The following BCAS1 variants were observed in gnomAD, a reference collection of about 807,000 sequenced individuals.
The protein encoded by BCAS1 is brain enriched myelin associated protein 1.
Under a neutral mutation model 65.4 loss-of-function variants are expected in BCAS1, and 46 were observed. That is an observed-to-expected ratio of 0.70 (90% CI 0.55 to 0.90). BCAS1 has a LOEUF of 0.90. Among genes scored for constraint, BCAS1 ranks in the 40% least tolerant of loss-of-function variants. The pLI is 0.00. For missense variants in BCAS1, 793 were observed against 771.2 expected (o/e 1.03, Z -0.33); for synonymous variants, 298 against 293.5 (o/e 1.02, Z -0.16).
At chr20:53,993,027 C>T (rs2090804496) in intron 6 of BCAS1, among the ~76,000 whole-genome samples, 1 of 152,136 alleles carries the variant, frequency 6.6e-6, no homozygotes. Context: ...TACCTGCAGA[C>T]AAAATATTTC....
intron 4 of BCAS1, among the ~76,000 whole-genome samples, chr20:54,023,070 G>A (rs186324275): frequency 2.6e-5 from 4 of 152,302 alleles, no homozygotes; most frequent in Admixed American, 2.6e-4. Context: ...TGGACATAAG[G>A]CAGAAACAAC....
chr20:54,000,021 C>T (rs1368496624), intron 4 of BCAS1, among the ~76,000 whole-genome samples: 2 of 152,188 alleles, frequency 1.3e-5, no homozygotes, highest in Admixed American at 6.5e-5. Flanking sequence ...TGAGCCACTG[C>T]GCCTGAGCCA....
chr20:54,014,940 C>T (rs2145984144), intron 4 of BCAS1, among the ~76,000 whole-genome samples: 1 of 152,160 alleles, frequency 6.6e-6, no homozygotes, highest in South Asian at 2.1e-4. Context: ...AGAATTTGTC[C>T]CCCAATTTGC....
intron 4 of BCAS1, among the ~76,000 whole-genome samples, chr20:54,025,633 G>T (rs995162791): frequency 2.0e-5 from 3 of 152,096 alleles, no homozygotes; most frequent in Non-Finnish European, 2.9e-5. Flanking sequence ...CCAGCAGGGA[G>T]CAAGCCATAA....
intron 12 of BCAS1, among the ~76,000 whole-genome samples, chr20:53,948,280 A>C (rs2089397281): frequency 1.3e-5 from 2 of 152,212 alleles, no homozygotes; most frequent in South Asian, 4.1e-4. Context: ...ACTAAACAGC[A>C]AACTCAGATG....
intron 8 of BCAS1, among the ~76,000 whole-genome samples, chr20:53,982,509 T>C (rs916197732): frequency 6.6e-6 from 1 of 152,180 alleles, no homozygotes; most frequent in African/African-American, 2.4e-5. Context: ...TGTCTGTAAC[T>C]ACAGGCTTAT....
Position 53,975,371 on chromosome 20 carries a change from G to C in BCAS1, c.1317+18C>G, listed in dbSNP as rs77639544. The C allele has an allele frequency of 5.0e-6, 8 of 1,606,016 alleles. No homozygotes were observed. Among genetic ancestry groups the C allele is most frequent in the South Asian group, 1.1e-5 (1 of 90,884 alleles). ...AAGATGAGAATGGAATGATTCTGCC[G>C]TGGTGTGTGTAACTTACATTCTCCT... On this transcript the variant is annotated intron_variant, in intron 9 of 12. Coordinates refer to ENST00000688948, the MANE Select transcript of BCAS1 (RefSeq NM_001366298.2).
chr20:54,041,192 C>T (rs1450171009), intron 3 of BCAS1, among the ~76,000 whole-genome samples: 2 of 151,166 alleles, frequency 1.3e-5, no homozygotes, highest in African/African-American at 2.4e-5. Flanking sequence ...AAAAACTCAG[C>T]GCTAAAGGGT....
intron 8 of BCAS1, among the ~76,000 whole-genome samples, chr20:53,980,322 C>T (rs1413633961): frequency 6.6e-6 from 1 of 152,170 alleles, no homozygotes; most frequent in East Asian, 1.9e-4. Context: ...GGCCAGATTC[C>T]AGAGGGCTTC....
At chr20:53,986,280 C>T (rs185339455) in intron 7 of BCAS1, among the ~76,000 whole-genome samples, 13 of 152,234 alleles carry the variant, frequency 8.5e-5, no homozygotes, top group Non-Finnish European at 1.6e-4. Flanking sequence ...GTCTCTCTCT[C>T]TGAGCAGCTG....
chr20:54,051,411 G>A (rs1220108731), intron 3 of BCAS1, among the ~76,000 whole-genome samples: 1 of 152,182 alleles, frequency 6.6e-6, no homozygotes, highest in Non-Finnish European at 1.5e-5. Context: ...CATACCACAT[G>A]TATTGGGGGG....
intron 3 of BCAS1, among the ~76,000 whole-genome samples, chr20:54,036,299 A>C (rs968246869): frequency 6.6e-6 from 1 of 151,428 alleles, no homozygotes; most frequent in Non-Finnish European, 1.5e-5. Context: ...TAAAAAAGTC[A>C]AAGAATTTAA....
intron 4 of BCAS1, among the ~76,000 whole-genome samples, chr20:54,015,017 G>A (rs1171718104): frequency 6.6e-6 from 1 of 151,786 alleles, no homozygotes; most frequent in Non-Finnish European, 1.5e-5. Flanking sequence ...AAAATATTTT[G>A]CAGAATCTCA....
intron 8 of BCAS1, among the ~76,000 whole-genome samples, chr20:53,977,549 G>T (rs1006335971): frequency 3.9e-5 from 6 of 152,084 alleles, no homozygotes; most frequent in Non-Finnish European, 5.9e-5. Context: ...ATCTTTGATT[G>T]CCTGTGTCTA....
intron 8 of BCAS1, among the ~76,000 whole-genome samples, chr20:53,976,370 T>C (rs1020525636): frequency 1.3e-5 from 2 of 152,236 alleles, no homozygotes; most frequent in Non-Finnish European, 2.9e-5. Context: ...ATGTCTCTCC[T>C]CTTGGATTAC....
chr20:54,051,305 C>G (rs188316335), intron 3 of BCAS1, among the ~76,000 whole-genome samples: 1 of 152,322 alleles, frequency 6.6e-6, no homozygotes, highest in Admixed American at 6.5e-5. Flanking sequence ...GTGAACAAAA[C>G]AGGGGATCTC....
chr20:53,987,308 A>G (rs945000579), intron 7 of BCAS1, among the ~76,000 whole-genome samples: 9 of 152,250 alleles, frequency 5.9e-5, no homozygotes, highest in Non-Finnish European at 1.3e-4. Flanking sequence ...AGTATACAAA[A>G]TGGCAAAATG....
intron 3 of BCAS1, among the ~76,000 whole-genome samples, chr20:54,048,547 C>A (rs1308388329): frequency 1.3e-5 from 2 of 152,162 alleles, no homozygotes; most frequent in South Asian, 2.1e-4. Flanking sequence ...TCCTCTCCTG[C>A]TTTTGGATCC....
intron 3 of BCAS1, among the ~76,000 whole-genome samples, chr20:54,045,100 T>C (rs1443865015): frequency 2.0e-5 from 3 of 151,268 alleles, no homozygotes; most frequent in African/African-American, 7.3e-5. Context: ...TGATCCCAGC[T>C]ACACAGGAGG....
Sources: gnomAD v4.1 joint callset for allele counts (sites outside exome capture counted in the v4.1 genomes callset) on GRCh38, gnomAD v4.1.1 for gene constraint, MANE v1.5 for transcripts, NCBI Gene and HGNC (gene_info 2026-07-23, HGNC 2026-07-21) for gene names.